BIRC6: variants seen among roughly 807,000 people sequenced by gnomAD.
BIRC6 encodes baculoviral IAP repeat containing 6.
A neutral mutation model predicts 503.3 loss-of-function variants in BIRC6; 98 were observed. The observed-to-expected ratio is 0.19, with a 90% confidence interval of 0.17 to 0.23. The LOEUF is 0.23. Ranked by LOEUF, BIRC6 falls within the 10% of genes least tolerant of loss-of-function variation. The pLI, the probability that BIRC6 is intolerant of heterozygous loss-of-function variation, is 1.00. For missense variants in BIRC6, 5,360 were observed against 5,806.0 expected, an observed-to-expected ratio of 0.92 and a Z score of 2.50; for synonymous variants, 2,240 against 2,078.7, an observed-to-expected ratio of 1.08 and a Z score of -2.11.
At chr2:32,592,423 C>T (rs2061441983) in intron 66 of BIRC6, among the ~76,000 whole-genome samples, 1 of 152,124 alleles carries the variant, frequency 6.6e-6, no homozygotes, top group Admixed American at 6.6e-5. Flanking sequence ...AAATTCAAAA[C>T]ACATGCATGA....
chr2:32,474,444 A>G (rs2049495275), intron 33 of BIRC6, among the ~76,000 whole-genome samples: 1 of 152,244 alleles, frequency 6.6e-6, no homozygotes, highest in Non-Finnish European at 1.5e-5. Flanking sequence ...TCTGTAAAAT[A>G]TCATTATTTG....
intron 10 of BIRC6, among the ~76,000 whole-genome samples, chr2:32,425,700 G>C (rs2043410989): frequency 6.6e-6 from 1 of 152,170 alleles, no homozygotes; most frequent in Non-Finnish European, 1.5e-5. Context: ...TCTTCCTGTA[G>C]ATCCTGTTTC....
intron 66 of BIRC6, among the ~76,000 whole-genome samples, chr2:32,581,767 G>C (rs1323104735): frequency 2.6e-5 from 4 of 152,156 alleles, no homozygotes. Context: ...AAAAATAAAT[G>C]CATGTCCATC....
intron 3 of BIRC6, among the ~76,000 whole-genome samples, chr2:32,383,697 A>T (rs1057124172): frequency 6.6e-6 from 1 of 151,984 alleles, no homozygotes. Context: ...ACACCTGGCT[A>T]ATTTTTTGTA....
chr2:32,370,255 A>C (rs139523943), intron 1 of BIRC6, among the ~76,000 whole-genome samples: 1 of 151,868 alleles, frequency 6.6e-6, no homozygotes, highest in East Asian at 1.9e-4. Flanking sequence ...TCCATGATAA[A>C]TTTTTCGTGG....
At chr2:32,388,146 G>C (rs1214836437) in intron 3 of BIRC6, among the ~76,000 whole-genome samples, 1 of 151,850 alleles carries the variant, frequency 6.6e-6, no homozygotes, top group African/African-American at 2.4e-5. Context: ...CAGCACTTTG[G>C]GAGGCAGAGG....
chr2:32,463,735 T>G (rs1236591529), intron 24 of BIRC6, among the ~76,000 whole-genome samples: 1 of 152,238 alleles, frequency 6.6e-6, no homozygotes, highest in Non-Finnish European at 1.5e-5. Flanking sequence ...TTAATGTGAC[T>G]TAAAATTCAC....
intron 11 of BIRC6, 32 bp from the exon 12 acceptor site, chr2:32,430,833 C>A: frequency 8.0e-6 from 6 of 754,400 alleles, no homozygotes; most frequent in Non-Finnish European, 1.3e-5. Flanking sequence ...TTTTCCACAC[C>A]TATTTCAAAT....
At chr2:32,490,234 A>G in intron 43 of BIRC6, 83 bp downstream of exon 43, 1 of 1,224,742 alleles carries the variant, frequency 8.2e-7, no homozygotes, top group Admixed American at 1.7e-5. Flanking sequence ...GAGTTTTCCA[A>G]GGAGTGGTAT....
At chr2:32,578,740 G>C (rs966485830) in intron 66 of BIRC6, among the ~76,000 whole-genome samples, 4 of 151,626 alleles carry the variant, frequency 2.6e-5, no homozygotes, top group Non-Finnish European at 5.9e-5. Context: ...GGGTTGCAGT[G>C]ATCACACCAT....
chr2:32,549,572 G>C (rs532601202), intron 65 of BIRC6, 91 bp downstream of exon 65: 3 of 1,138,990 alleles, frequency 2.6e-6, no homozygotes, highest in Non-Finnish European at 3.5e-6. Flanking sequence ...TGAAATAGTT[G>C]ATGGATTTAT....
chr2:32,384,828 T>C (rs902275714), intron 3 of BIRC6, among the ~76,000 whole-genome samples: 4 of 152,226 alleles, frequency 2.6e-5, no homozygotes, highest in African/African-American at 9.6e-5. Flanking sequence ...CTTACTGTCA[T>C]GTATATAATG....
chr2:32,523,702 T>C (rs775537545), intron 57 of BIRC6, among the ~76,000 whole-genome samples: 44 of 152,244 alleles, frequency 2.9e-4, no homozygotes, highest in Non-Finnish European at 5.1e-4. Flanking sequence ...ATTGTTTTAT[T>C]GTCTCAACCT....
At chr2:32,521,708 GACCTC>G (rs2055736492) in intron 57 of BIRC6, among the ~76,000 whole-genome samples, 1 of 150,752 alleles carries the variant, frequency 6.6e-6, no homozygotes, top group Non-Finnish European at 1.5e-5. Context: ...TCGAACTCCT[GACCTC>G]AAGTGATCTG....
intron 66 of BIRC6, among the ~76,000 whole-genome samples, chr2:32,583,967 G>T (rs909626960): frequency 3.9e-5 from 6 of 152,144 alleles, no homozygotes; most frequent in African/African-American, 1.4e-4. Context: ...CCTGACCTCA[G>T]GCGATCTGCC....
chr2:32,434,289 T>G (rs940698941), intron 13 of BIRC6, among the ~76,000 whole-genome samples: 1 of 152,214 alleles, frequency 6.6e-6, no homozygotes, highest in Non-Finnish European at 1.5e-5. Flanking sequence ...AAACTAGATG[T>G]TACTACTGAG....
At chr2:32,508,720 A>C (rs1174655556) in intron 51 of BIRC6, among the ~76,000 whole-genome samples, 1 of 152,172 alleles carries the variant, frequency 6.6e-6, no homozygotes. Context: ...TTTTTTAATC[A>C]ACATTTTTCT....
chr2:32,484,236 C>G (rs1191235393), intron 39 of BIRC6, among the ~76,000 whole-genome samples: 1 of 150,984 alleles, frequency 6.6e-6, no homozygotes, highest in Non-Finnish European at 1.5e-5. Flanking sequence ...TATAACTATC[C>G]TGTTCCTCAC....
intron 45 of BIRC6, among the ~76,000 whole-genome samples, chr2:32,496,325 G>A (rs915790230): frequency 6.6e-6 from 1 of 151,030 alleles, no homozygotes; most frequent in Non-Finnish European, 1.5e-5. Flanking sequence ...TCCTGGGTTC[G>A]TGCAATTCTC....
Sources: allele counts gnomAD v4.1 joint callset (sites outside exome capture counted in the v4.1 genomes callset), GRCh38; gene constraint gnomAD v4.1.1; transcripts MANE v1.5; gene names NCBI Gene and HGNC (gene_info 2026-07-23, HGNC 2026-07-21).